ROBO2: variants seen among roughly 807,000 people sequenced by gnomAD.
The protein encoded by ROBO2 is roundabout guidance receptor 2.
In ROBO2, 53 loss-of-function variants were observed where a neutral mutation model predicts 160.8. That is an observed-to-expected ratio of 0.33 (90% CI 0.26 to 0.41). The LOEUF (loss-of-function observed/expected upper bound fraction) is 0.41, where lower values mean the gene tolerates loss of function less well. Among genes scored for constraint, ROBO2 ranks in the 10% least tolerant of loss-of-function variants. The pLI is 1.00. For synonymous variants in ROBO2, 664 were observed against 611.7 expected (o/e 1.09, Z -1.26); for missense variants, 1,577 against 1,722.4 (o/e 0.92, Z 1.49).
intron 2 of ROBO2, among the ~76,000 whole-genome samples, chr3:76,041,104 C>A (rs2067259021): frequency 6.6e-6 from 1 of 152,004 alleles, no homozygotes; most frequent in African/African-American, 2.4e-5. Context: ...ACTAGGATTT[C>A]AAATTTTTAA....
intron 2 of ROBO2, among the ~76,000 whole-genome samples, chr3:76,840,338 G>A (rs914061882): frequency 2.0e-5 from 3 of 151,632 alleles, no homozygotes; most frequent in African/African-American, 4.8e-5. Flanking sequence ...GGCTGGGCGC[G>A]GTAGCTCATA....
chr3:75,910,772 C>T (rs2106723884), intron 1 of ROBO2, among the ~76,000 whole-genome samples: 1 of 152,190 alleles, frequency 6.6e-6, no homozygotes, highest in South Asian at 2.1e-4. Context: ...ATAGTGTTGA[C>T]ATTAAGAGAA....
chr3:77,474,691 C>CACACACACACACACACACACAT (rs1553973682), intron 2 of ROBO2, among the ~76,000 whole-genome samples: 2 of 150,738 alleles, frequency 1.3e-5, no homozygotes, highest in Non-Finnish European at 3.0e-5. Flanking sequence ...CACACACACA[C>CACACACACACACACACACACAT]TCAATTTAGA....
chr3:77,461,733 C>CTTT, intron 2 of ROBO2, among the ~76,000 whole-genome samples: 1 of 145,408 alleles, frequency 6.9e-6, no homozygotes, highest in Non-Finnish European at 1.5e-5. Flanking sequence ...TCTTGATGTA[C>CTTT]TTTTTTTTTT....
intron 2 of ROBO2, among the ~76,000 whole-genome samples, chr3:77,260,481 A>G (rs2058705038): frequency 6.6e-6 from 1 of 152,168 alleles, no homozygotes; most frequent in South Asian, 2.1e-4. Flanking sequence ...ATAAATGACT[A>G]TTTGTGATCC....
chr3:76,321,056 T>C (rs375286362), intron 2 of ROBO2, among the ~76,000 whole-genome samples: 16 of 152,236 alleles, frequency 1.1e-4, no homozygotes, highest in East Asian at 7.7e-4. Context: ...AGAAACATAA[T>C]ACAAGTCATC....
At chr3:77,111,639 A>G (rs9881810) in intron 2 of ROBO2, among the ~76,000 whole-genome samples, 148,365 of 152,166 alleles carry the variant, frequency 0.98, 72,455 homozygotes, top group East Asian at 1. Context: ...GTTACATCGC[A>G]GTTTTTTAGT....
intron 2 of ROBO2, among the ~76,000 whole-genome samples, chr3:76,785,524 G>T (rs1288221364): frequency 6.6e-6 from 1 of 151,164 alleles, no homozygotes; most frequent in Admixed American, 6.6e-5. Context: ...TGATTTTGTT[G>T]TAGTGCTATG....
chr3:76,618,965 T>C (rs866535826), intron 2 of ROBO2, among the ~76,000 whole-genome samples: 2 of 151,616 alleles, frequency 1.3e-5, no homozygotes, highest in African/African-American at 4.9e-5. Context: ...TAAAAAGAAA[T>C]AATTTTTAAG....
chr3:77,499,043 T>A (rs1458304747), intron 5 of ROBO2, among the ~76,000 whole-genome samples: 1 of 152,246 alleles, frequency 6.6e-6, no homozygotes, highest in African/African-American at 2.4e-5. Flanking sequence ...TACAGATGTC[T>A]TATCCATGTC....
intron 2 of ROBO2, among the ~76,000 whole-genome samples, chr3:76,994,346 C>T (rs72902061): frequency 1.1e-3 from 170 of 151,828 alleles, no homozygotes; most frequent in African/African-American, 3.7e-3. Flanking sequence ...GCTGTTTCTA[C>T]GGGAAAGCAC....
At chr3:76,038,792 ATGTATG>A (rs144087290) in intron 2 of ROBO2, among the ~76,000 whole-genome samples, 1 of 47,978 alleles carries the variant, frequency 2.1e-5, no homozygotes, top group South Asian at 1.3e-3. Context: ...GTGTGTGTGT[ATGTATG>A]TGTGTGTGTG....
chr3:76,274,013 C>T (rs1344459059), intron 2 of ROBO2, among the ~76,000 whole-genome samples: 3 of 152,210 alleles, frequency 2.0e-5, no homozygotes, highest in African/African-American at 4.8e-5. Flanking sequence ...GGGGACAGAA[C>T]GCACTCCCAT....
intron 2 of ROBO2, among the ~76,000 whole-genome samples, chr3:77,336,581 G>A (rs1379187958): frequency 2.0e-5 from 3 of 151,640 alleles, no homozygotes; most frequent in African/African-American, 7.3e-5. Context: ...GGATGGACTA[G>A]GATTGGGAAA....
intron 2 of ROBO2, among the ~76,000 whole-genome samples, chr3:77,232,078 A>G (rs897013436): frequency 1.3e-5 from 2 of 152,090 alleles, no homozygotes; most frequent in Admixed American, 6.6e-5. Context: ...TTTCATCGCT[A>G]TTTATTACAT....
intron 2 of ROBO2, among the ~76,000 whole-genome samples, chr3:76,641,470 C>T (rs2090670805): frequency 1.3e-5 from 2 of 152,040 alleles, no homozygotes; most frequent in Admixed American, 6.5e-5. Context: ...AATAACTGAC[C>T]ACCTTTTTTC....
chr3:76,876,403 G>A lies in ROBO2; in HGVS notation c.110-221611G>A, dbSNP rs114189006. Among the ~76,000 whole-genome samples the A allele has an allele frequency of 4.3e-3, 657 of 152,308 alleles. 4 individuals carry two copies. The highest frequency in any genetic ancestry group is 0.014 in the African/African-American group (583 of 41,560). On this transcript the variant is annotated intron_variant, in intron 2 of 26. Transcript: ENST00000487694. ...TAAAGAGTATCTTAAGGGTGGGCAT[G>A]GTGGCTCATGCCTGTAATCCCAGAA...
chr3:76,997,407 T>A (rs1228524616), intron 2 of ROBO2, among the ~76,000 whole-genome samples: 1 of 152,150 alleles, frequency 6.6e-6, no homozygotes, highest in African/African-American at 2.4e-5. Context: ...ATATGTGAAG[T>A]CAGTTGTGGG....
chr3:77,020,726 C>CGT (rs2062579012), intron 2 of ROBO2, among the ~76,000 whole-genome samples: 1 of 147,794 alleles, frequency 6.8e-6, no homozygotes, highest in African/African-American at 2.7e-5. Context: ...GATACAAAAT[C>CGT]ATAGTTTCCA....
Sources: gnomAD v4.1 joint callset for allele counts (sites outside exome capture counted in the v4.1 genomes callset) on GRCh38, gnomAD v4.1.1 for gene constraint, MANE v1.5 for transcripts, NCBI Gene and HGNC (gene_info 2026-07-23, HGNC 2026-07-21) for gene names.